Variants in CLASP2 observed in about 807,000 individuals in gnomAD.
CLASP2 encodes cytoplasmic linker associated protein 2.
In CLASP2, 47 loss-of-function variants were observed where a neutral mutation model predicts 194.4. The observed-to-expected ratio is 0.24, with a 90% confidence interval of 0.19 to 0.31. The LOEUF (loss-of-function observed/expected upper bound fraction) is 0.31, where lower values mean the gene tolerates loss of function less well. Ranked by LOEUF, CLASP2 falls within the 10% of genes least tolerant of loss-of-function variation. The pLI is 1.00. For synonymous variants in CLASP2, 619 were observed against 633.5 expected, an observed-to-expected ratio of 0.98 and a Z score of 0.34; for missense variants, 1,445 against 1,823.6, an observed-to-expected ratio of 0.79 and a Z score of 3.78.
At chr3:33,620,997 TTGTGTG>T (rs60682503) in intron 11 of CLASP2, among the ~76,000 whole-genome samples, 10,922 of 142,552 alleles carry the variant, frequency 0.077, 762 homozygotes, top group African/African-American at 0.19. Flanking sequence ...CTGTAGCTCT[TTGTGTG>T]TGTGTGTGTG....
chr3:33,620,189 T>G (rs1559412968), intron 11 of CLASP2, among the ~76,000 whole-genome samples: 1 of 152,228 alleles, frequency 6.6e-6, no homozygotes, highest in Non-Finnish European at 1.5e-5. Flanking sequence ...ATTCTTTATT[T>G]CTATTAATAG....
chr3:33,624,482 TAAG>T (rs1305679115), intron 10 of CLASP2, among the ~76,000 whole-genome samples: 1 of 151,916 alleles, frequency 6.6e-6, no homozygotes, highest in Non-Finnish European at 1.5e-5. Flanking sequence ...GACAATAAAA[TAAG>T]AAAAAGACAA....
At chr3:33,520,170 C>T (rs189062323) in intron 34 of CLASP2, among the ~76,000 whole-genome samples, 13 of 150,370 alleles carry the variant, frequency 8.6e-5, no homozygotes, top group African/African-American at 2.4e-4. Context: ...CCTGCTACCA[C>T]GCCCAGCTAA....
At chr3:33,588,579 C>A in intron 21 of CLASP2, 1 of 529,240 alleles carries the variant, frequency 1.9e-6, no homozygotes, top group Non-Finnish European at 3.3e-6. Context: ...TTGGCAATTT[C>A]TGCCCCAGTA....
rs776390048 is a variant in CLASP2 at position 33,607,412 on chromosome 3, C to G, written c.1498G>C (p.Asp500His). 1 of 1,611,244 alleles carries G rather than the reference C, an allele frequency of 6.2e-7. No individual in the cohort carries two copies. The highest frequency in any genetic ancestry group is 1.3e-5 in the African/African-American group (1 of 74,822). ...CTTGCCTCCACTCTGGCCTCAGCGTCAGCATCATGAATTCCCTTTTTAATA... is the reference window on the plus strand; with the variant it reads ...CTTGCCTCCACTCTGGCCTCAGCGTGAGCATCATGAATTCCCTTTTTAATA... ...ETIKKGIHDA[D>H]AEARVEARKT... The change falls in exon 15 of 39, where the codon GAC becomes CAC. Residue 500 changes from aspartate to histidine, a missense_variant. This residue lies in a region of CLASP2 where 207 missense variants were observed against 331.4 expected (regional missense o/e 0.62). Coordinates refer to ENST00000682230, the MANE Select transcript of CLASP2 (RefSeq NM_001365631.1).
chr3:33,665,522 C>T lies in CLASP2; in HGVS notation c.645-2007G>A, dbSNP rs796381941. On this transcript the variant is annotated intron_variant, in intron 6 of 38. Transcript: ENST00000682230. ...CTGCCAGCTCTTCAGTTACTCAATA[C>T]ACTCTTCCTATGACTGTTCTACTCT... Among the ~76,000 whole-genome samples the T allele has an allele frequency of 9.2e-5, 14 of 152,214 alleles. 1 individual carries two copies. Among genetic ancestry groups the T allele is most frequent in the African/African-American group, 3.1e-4 (13 of 41,524 alleles).
chr3:33,652,197 G>A (rs1397716573), intron 7 of CLASP2, among the ~76,000 whole-genome samples: 1 of 152,140 alleles, frequency 6.6e-6, no homozygotes, highest in Non-Finnish European at 1.5e-5. Flanking sequence ...ACATTAAGTA[G>A]TTTCTTATAC....
intron 7 of CLASP2, among the ~76,000 whole-genome samples, chr3:33,658,662 A>ATGTTCTTCCTCTATGTGC: frequency 6.6e-6 from 1 of 152,204 alleles, no homozygotes; most frequent in East Asian, 1.9e-4. Flanking sequence ...TTCTTCCTCT[A>ATGTTCTTCCTCTATGTGC]AGCTTCTGCA....
At chr3:33,550,341 G>A (rs2059803833) in intron 30 of CLASP2, among the ~76,000 whole-genome samples, 1 of 141,100 alleles carries the variant, frequency 7.1e-6, no homozygotes. Flanking sequence ...GTTGCAGTGA[G>A]CCAGTATCAT....
intron 26 of CLASP2, among the ~76,000 whole-genome samples, chr3:33,569,570 A>G (rs2063375827): frequency 6.6e-6 from 1 of 152,204 alleles, no homozygotes. Context: ...AACAGCTGTA[A>G]TCAGTGATAG....
chr3:33,674,954 C>G (rs1468092128), intron 6 of CLASP2, among the ~76,000 whole-genome samples: 20 of 152,016 alleles, frequency 1.3e-4, no homozygotes, highest in Non-Finnish European at 2.9e-4. Flanking sequence ...AATAGCTTAC[C>G]AACCAAAAAG....
chr3:33,534,259 C>T (rs1000766996), intron 34 of CLASP2, among the ~76,000 whole-genome samples: 1 of 151,984 alleles, frequency 6.6e-6, no homozygotes, highest in Non-Finnish European at 1.5e-5. Context: ...AAATATGTTT[C>T]CTTATTATAA....
intron 7 of CLASP2, chr3:33,645,353 C>T (rs752255446): frequency 1.3e-6 from 1 of 764,688 alleles, no homozygotes; most frequent in Non-Finnish European, 2.4e-6. Flanking sequence ...CCCTAGGAGG[C>T]TCCCAATAGT....
At position 33,520,557 on chromosome 3, in the gene CLASP2, TTGAG is replaced by T. The variant is rs563670468; in HGVS notation, c.3788-3387_3788-3384del. ...TGGAATAAGAAGGGCATTCATGGTT[TTGAG>T]TGAGGATGGAATGGCAAAGCCTAGC... On this transcript the variant is annotated intron_variant, in intron 34 of 38. Coordinates refer to ENST00000682230, the MANE Select transcript of CLASP2 (RefSeq NM_001365631.1). Among the ~76,000 whole-genome samples the T allele has an allele frequency of 3.8e-4, 58 of 152,070 alleles. No individual in the cohort carries two copies. In the East Asian group the frequency reaches 0.011, roughly 28 times the overall value.
At chr3:33,559,981 G>C (rs2061552400) in intron 28 of CLASP2, among the ~76,000 whole-genome samples, 1 of 152,040 alleles carries the variant, frequency 6.6e-6, no homozygotes, top group African/African-American at 2.4e-5. Context: ...TCAGTAAAAA[G>C]TTTAACATTC....
intron 23 of CLASP2, 126 bp downstream of exon 23, chr3:33,581,695 T>C (rs1262693953): frequency 6.4e-6 from 4 of 626,344 alleles, no homozygotes; most frequent in South Asian, 2.2e-5. Flanking sequence ...TTCCTCAAAA[T>C]GACAGAAAAG....
chr3:33,645,613 T>G, intron 7 of CLASP2: 1 of 311,894 alleles, frequency 3.2e-6, no homozygotes, highest in East Asian at 5.3e-5. Context: ...TATATCAAAA[T>G]TTCAAAGGCA....
intron 21 of CLASP2, among the ~76,000 whole-genome samples, chr3:33,585,865 T>C (rs1463902965): frequency 6.6e-6 from 1 of 152,202 alleles, no homozygotes; most frequent in Non-Finnish European, 1.5e-5. Context: ...ATAATGATAA[T>C]CTGTTTCATT....
rs2046094457 is a variant in CLASP2, at chr3:33,498,592, C to CT, written c.*38dup. ...CATTGATGAGGGTGGTCTATCTGTCCTTTCTTTTGAGAGACCTGGTTCGCT... is the reference window on the plus strand; with the variant it reads ...CATTGATGAGGGTGGTCTATCTGTCCTTTTCTTTTGAGAGACCTGGTTCGCT... On this transcript the variant is annotated 3_prime_UTR_variant, in exon 39 of 39. Coordinates refer to ENST00000682230, the MANE Select transcript of CLASP2 (RefSeq NM_001365631.1). 7.2e-7 allele frequency: 1 copy of CT among 1,382,558 alleles called. No homozygotes were observed. The highest frequency in any genetic ancestry group is 1.0e-6 in the Non-Finnish European group (1 of 974,978). The allele number at this position is 1,382,558 out of a possible 1,614,324, so 85.6% of individuals were successfully genotyped here.
Sources: allele counts gnomAD v4.1 joint callset (sites outside exome capture counted in the v4.1 genomes callset), GRCh38; gene constraint gnomAD v4.1.1; regional missense constraint gnomAD v4.1.1; transcripts MANE v1.5; gene names NCBI Gene and HGNC (gene_info 2026-07-23, HGNC 2026-07-21).